The following CSMD1 variants were observed in gnomAD, a reference collection of about 807,000 sequenced individuals.
CSMD1 encodes CUB and Sushi multiple domains 1.
Under a neutral mutation model 417.5 loss-of-function variants are expected in CSMD1, and 213 were observed. That is an observed-to-expected ratio of 0.51 (90% CI 0.46 to 0.57). The LOEUF is 0.57. Among genes scored for constraint, CSMD1 ranks in the 20% least tolerant of loss-of-function variants. The pLI, the probability that CSMD1 is intolerant of heterozygous loss-of-function variation, is 0.00. For missense variants in CSMD1, 6,923 were observed against 4,529.7 expected (o/e 1.53, Z -15.17); for synonymous variants, 2,862 against 1,736.8 (o/e 1.65, Z -16.11).
chr8:3,205,623 G>A lies in CSMD1; in HGVS notation c.4868-3C>T, dbSNP rs866292907. 1 of 1,468,580 alleles carries A rather than the reference G, an allele frequency of 6.8e-7. No homozygotes were observed. The highest frequency in any genetic ancestry group is 1.2e-5 in the South Asian group (1 of 81,324). 91.0% of individuals were successfully genotyped at this position (1,468,580 alleles called of 1,614,324 possible). A position where few individuals can be genotyped will look rare whatever the true frequency, so the allele number is the denominator to read the frequency against. On this transcript the variant is annotated splice_polypyrimidine_tract_variant and splice_region_variant and intron_variant, in intron 30 of 69. Transcript: ENST00000635120. Reference sequence around the variant, plus strand: ...CGTGTACTGGCCTCCACAGGGAGCTGAAAATAAAATCAACCGAGAATTAGT... The same window carrying A: ...CGTGTACTGGCCTCCACAGGGAGCTAAAAATAAAATCAACCGAGAATTAGT...
At chr8:4,288,801 T>C (rs1162120526) in intron 3 of CSMD1, among the ~76,000 whole-genome samples, 1 of 152,224 alleles carries the variant, frequency 6.6e-6, no homozygotes, top group African/African-American at 2.4e-5. Context: ...GCAGCCAACA[T>C]TGAGCAAAAT....
At chr8:4,899,581 T>C (rs2117037370) in intron 1 of CSMD1, among the ~76,000 whole-genome samples, 1 of 152,284 alleles carries the variant, frequency 6.6e-6, no homozygotes, top group African/African-American at 2.4e-5. Context: ...ACACTGAAAG[T>C]CAATATTTTT....
rs1383475657 is a variant in CSMD1 at position 3,387,656 on chromosome 8, G to A, written c.2620C>T (p.Leu874=). The A allele has an allele frequency of 1.3e-6, 2 of 1,599,572 alleles. No individual in the cohort carries two copies. The highest frequency in any genetic ancestry group is 1.7e-6 in the Non-Finnish European group (2 of 1,172,840). Residue 874 remains leucine (L), a synonymous_variant, in exon 18 of 70, where the codon CTG becomes TTG. Transcript: ENST00000635120. ...ESVTLESDSC[L]DPGIPVNGHR... The stretch of plus-strand genomic sequence containing the variant: ...CCGTTCACAGGGATGCCCGGGTCCA[G>A]GCAGGAATCCGACTCAAGCGTCACA...
chr8:3,266,066 C>G (rs1170155345), intron 26 of CSMD1, among the ~76,000 whole-genome samples: 1 of 151,666 alleles, frequency 6.6e-6, no homozygotes, highest in Non-Finnish European at 1.5e-5. Context: ...AAGTTATTAC[C>G]TTATGAATCC....
intron 12 of CSMD1, among the ~76,000 whole-genome samples, chr8:3,431,500 C>G (rs1408450552): frequency 6.6e-6 from 1 of 152,130 alleles, no homozygotes; most frequent in Non-Finnish European, 1.5e-5. Context: ...CTCCCTGACC[C>G]ATCCCATCCC....
At chr8:4,082,235 A>G (rs181104042) in intron 3 of CSMD1, among the ~76,000 whole-genome samples, 1 of 152,296 alleles carries the variant, frequency 6.6e-6, no homozygotes, top group Admixed American at 6.5e-5. Flanking sequence ...GGTAAAATGG[A>G]CAAAGTCCTA....
At chr8:4,156,847 C>T (rs1796863004) in intron 3 of CSMD1, among the ~76,000 whole-genome samples, 1 of 152,088 alleles carries the variant, frequency 6.6e-6, no homozygotes, top group Admixed American at 6.5e-5. Flanking sequence ...CACAGGGAGG[C>T]TTTTTAATTT....
rs776905840 is a variant in CSMD1, at chr8:3,307,800, T to C, written c.3845A>G (p.His1282Arg). 1.2e-5 allele frequency: 19 copies of C among 1,613,454 alleles called. No individual in the cohort carries two copies. The highest frequency in any genetic ancestry group is 4.0e-5 in the African/African-American group (3 of 74,914). The change falls in exon 25 of 70, where the codon CAT becomes CGT. Residue 1282 changes from histidine to arginine, a missense_variant. By Grantham distance (29) the His-to-Arg change is conservative. Transcript: ENST00000635120. The part of the protein sequence containing the change: ...SCIAECGGQI[H>R]AATSGRILSP... ...CAATATTCGTCCTGATGTGGCTGCATGGATCTGACCACCACATTCCGCTGT... is the reference window on the plus strand; with the variant it reads ...CAATATTCGTCCTGATGTGGCTGCACGGATCTGACCACCACATTCCGCTGT...
chr8:4,980,655 C>T (rs1810839284), intron 1 of CSMD1, among the ~76,000 whole-genome samples: 2 of 152,184 alleles, frequency 1.3e-5, no homozygotes, highest in African/African-American at 2.4e-5. Flanking sequence ...GTAATCCTAG[C>T]ACTTTGGGAG....
chr8:3,696,911 C>T (rs545779135), intron 7 of CSMD1, among the ~76,000 whole-genome samples: 9 of 152,068 alleles, frequency 5.9e-5, no homozygotes, highest in Non-Finnish European at 1.3e-4. Context: ...TGAAAGAGAA[C>T]ACTTTATCAG....
At chr8:4,435,123 T>A (rs1798081203) in intron 2 of CSMD1, among the ~76,000 whole-genome samples, 1 of 152,122 alleles carries the variant, frequency 6.6e-6, no homozygotes, top group South Asian at 2.1e-4. Flanking sequence ...AAGGAAAAAC[T>A]GTATTTTAAA....
chr8:3,475,298 T>G (rs1364957196), intron 11 of CSMD1, among the ~76,000 whole-genome samples: 1 of 152,214 alleles, frequency 6.6e-6, no homozygotes. Context: ...GGGTGCAATT[T>G]TATGTCTCTT....
chr8:3,280,541 A>C (rs777707645), intron 26 of CSMD1, among the ~76,000 whole-genome samples: 8 of 152,174 alleles, frequency 5.3e-5, no homozygotes, highest in Non-Finnish European at 1.2e-4. Context: ...CCCCTAAATG[A>C]GTATTTCTGA....
At position 3,091,511 on chromosome 8, in the gene CSMD1, C is replaced by T. The variant is rs372134952; in HGVS notation, c.7285+5G>A. On this transcript the variant is annotated splice_donor_5th_base_variant and intron_variant, in intron 48 of 69. Coordinates refer to ENST00000635120, the MANE Select transcript of CSMD1 (RefSeq NM_033225.6). Reference sequence around the variant, plus strand: ...TCATATAAAATCTAAACCTCATTTACTTACCTGCATAGCGAATCTTGAATC... The same window carrying T: ...TCATATAAAATCTAAACCTCATTTATTTACCTGCATAGCGAATCTTGAATC... 9 of 1,591,354 alleles carry T rather than the reference C, an allele frequency of 5.7e-6. No individual in the cohort carries two copies. The South Asian group carries it at 9.3e-5, about 16-fold the overall frequency.
chr8:4,803,352 G>A (rs563812343), intron 1 of CSMD1, among the ~76,000 whole-genome samples: 1 of 152,134 alleles, frequency 6.6e-6, no homozygotes, highest in Non-Finnish European at 1.5e-5. Flanking sequence ...TATAAAAAGG[G>A]TTTCAGTTAC....
Position 3,019,827 on chromosome 8 carries a change from G to A in CSMD1, c.7856-1177C>T, listed in dbSNP as rs1281028629. On this transcript the variant is annotated intron_variant, in intron 51 of 69. Coordinates refer to ENST00000635120, the MANE Select transcript of CSMD1 (RefSeq NM_033225.6). ...GAAACACTTGAGCACAGAAGATCAT[G>A]GCCTCTCAGGGGAGGGAGGAACTCA... Among the ~76,000 whole-genome samples, 3 of 152,322 alleles carry A rather than the reference G, an allele frequency of 2.0e-5. No homozygotes were observed. In the South Asian group the frequency reaches 6.2e-4, roughly 32 times the overall value.
intron 1 of CSMD1, among the ~76,000 whole-genome samples, chr8:4,945,624 A>T (rs57892910): frequency 1.3e-5 from 2 of 151,962 alleles, no homozygotes; most frequent in East Asian, 1.9e-4. Flanking sequence ...GATGTATTCA[A>T]GGTGATAAAG....
intron 3 of CSMD1, among the ~76,000 whole-genome samples, chr8:4,365,028 A>G (rs1801984739): frequency 1.3e-5 from 2 of 152,150 alleles, no homozygotes. Flanking sequence ...ATTTTATGAA[A>G]TATGTTCTCT....
At chr8:3,313,263 A>G (rs1805493298) in intron 23 of CSMD1, among the ~76,000 whole-genome samples, 1 of 152,222 alleles carries the variant, frequency 6.6e-6, no homozygotes, top group South Asian at 2.1e-4. Context: ...CCCAAAATTG[A>G]CAAATGGGAT....
Sources: gnomAD v4.1 joint callset for allele counts (sites outside exome capture counted in the v4.1 genomes callset) on GRCh38, gnomAD v4.1.1 for gene constraint, MANE v1.5 for transcripts, NCBI Gene and HGNC (gene_info 2026-07-23, HGNC 2026-07-21) for gene names.